The following FGF10 variants were observed in gnomAD, a reference collection of about 807,000 sequenced individuals.
The protein encoded by FGF10 is FGF-10.
In FGF10, 2 loss-of-function variants were observed where a neutral mutation model predicts 19.8. That is an observed-to-expected ratio of 0.10 (90% CI 0.04 to 0.32). The LOEUF (loss-of-function observed/expected upper bound fraction) is 0.32, where lower values mean the gene tolerates loss of function less well. FGF10 is among the 10% of genes least tolerant of loss of function. FGF10 has a pLI of 1.00. For synonymous variants in FGF10, 112 were observed against 94.0 expected (o/e 1.19, Z -1.10); for missense variants, 191 against 246.3 (o/e 0.78, Z 1.50).
chr5:44,371,553 G>T (rs1054430270), intron 1 of FGF10, among the ~76,000 whole-genome samples: 9 of 152,022 alleles, frequency 5.9e-5, no homozygotes, highest in Admixed American at 1.3e-4. Context: ...GGGGCTTTTG[G>T]GCCAGGTTAA....
At chr5:44,368,517 T>C (rs1021763494) in intron 1 of FGF10, among the ~76,000 whole-genome samples, 2 of 152,128 alleles carry the variant, frequency 1.3e-5, no homozygotes, top group African/African-American at 4.8e-5. Context: ...TAATTAGTTA[T>C]GGCCATTGTC....
At position 44,349,422 on chromosome 5, in the gene FGF10, TTATATATATATATATATATATA is replaced by T. The variant is rs869035955; in HGVS notation, c.325+38914_326-38893del. 2.7e-4 allele frequency among the ~76,000 whole-genome samples: 11 copies of T among 41,426 alleles called. 2 individuals carry two copies. The highest frequency in any genetic ancestry group is 8.5e-4 in the African/African-American group (9 of 10,552). 27.2% of individuals were successfully genotyped at this position (41,426 alleles called of 152,430 possible). ...CTAAGAAAATGGGAAAGCATTTTCT[TTATATATATATATATATATATA>T]TATATATATATATATATATATATAT... On this transcript the variant is annotated intron_variant, in intron 1 of 2. Coordinates refer to ENST00000264664, the MANE Select transcript of FGF10 (RefSeq NM_004465.2).
At chr5:44,334,804 G>A (rs1001456439) in intron 1 of FGF10, among the ~76,000 whole-genome samples, 4 of 152,018 alleles carry the variant, frequency 2.6e-5, no homozygotes, top group African/African-American at 9.7e-5. Flanking sequence ...ACATTGTTTA[G>A]TCAGCTGACA....
chr5:44,349,942 G>T (rs1741195591), intron 1 of FGF10, among the ~76,000 whole-genome samples: 1 of 150,910 alleles, frequency 6.6e-6, no homozygotes, highest in Non-Finnish European at 1.5e-5. Context: ...TATTTTTCTA[G>T]AATATATTTG....
intron 1 of FGF10, among the ~76,000 whole-genome samples, chr5:44,382,418 T>G (rs978876518): frequency 1.3e-5 from 2 of 152,176 alleles, no homozygotes; most frequent in Admixed American, 1.3e-4. Flanking sequence ...CTGTAAAACA[T>G]CAACATTTTG....
At position 44,304,380 on chromosome 5, in the gene FGF10, T is replaced by C. The variant is rs1740026522; in HGVS notation, c.*615A>G. 6.6e-6 allele frequency: 1 copy of C among 152,428 alleles called. No individual in the cohort carries two copies. The highest frequency in any genetic ancestry group is 2.4e-5 in the African/African-American group (1 of 41,402). 9.4% of individuals were successfully genotyped at this position (152,428 alleles called of 1,614,324 possible). On this transcript the variant is annotated 3_prime_UTR_variant, in exon 3 of 3. Coordinates refer to ENST00000264664, the MANE Select transcript of FGF10 (RefSeq NM_004465.2). ...ATTAAATAAATAACTTAGAAAGAAA[T>C]AGAAAGGGATGAAGGCAGAATGCAC...
In FGF10 at chr5:44,302,174, C is replaced by A. The variant is rs111933651; in HGVS notation, c.*2821G>T. On this transcript the variant is annotated 3_prime_UTR_variant, in exon 3 of 3. Coordinates refer to ENST00000264664, the MANE Select transcript of FGF10 (RefSeq NM_004465.2). Reference sequence around the variant, plus strand: ...ACCAGAATTCTATTTCCATTTCAAGCAAATATGCCACTTTTAAATGCAAGA... The same window carrying A: ...ACCAGAATTCTATTTCCATTTCAAGAAAATATGCCACTTTTAAATGCAAGA... 2.0e-5 allele frequency among the ~76,000 whole-genome samples: 3 copies of A among 151,524 alleles called. No individual in the cohort carries two copies. Among genetic ancestry groups the A allele is most frequent in the African/African-American group, 4.8e-5 (2 of 41,330 alleles).
chr5:44,387,855 T>G (rs562709734), intron 1 of FGF10, among the ~76,000 whole-genome samples: 3 of 151,970 alleles, frequency 2.0e-5, no homozygotes, highest in East Asian at 3.9e-4. Flanking sequence ...TGACTTTTCT[T>G]TCTTAAATAA....
chr5:44,314,755 G>A (rs1448849568), intron 1 of FGF10, among the ~76,000 whole-genome samples: 2 of 152,292 alleles, frequency 1.3e-5, no homozygotes, highest in East Asian at 1.9e-4. Flanking sequence ...CAGAAGAGGA[G>A]CATCTGACCT....
rs373332745 is a variant in FGF10, at chr5:44,326,895, C to A, written c.326-16365G>T. Among the ~76,000 whole-genome samples the A allele has an allele frequency of 1.0e-3, 157 of 152,216 alleles. 3 individuals carry two copies. Among genetic ancestry groups the A allele is most frequent in the African/African-American group, 3.6e-3 (149 of 41,524 alleles). ...AAAAAGGAAAGAAGAAAGAAGTGCT[C>A]GGTGTTCTTTCTGTTCAATTCTCAA... On this transcript the variant is annotated intron_variant, in intron 1 of 2. Coordinates refer to ENST00000264664, the MANE Select transcript of FGF10 (RefSeq NM_004465.2).
Position 44,304,136 on chromosome 5 carries a change from T to C in FGF10, c.*859A>G, listed in dbSNP as rs1740021853. On this transcript the variant is annotated 3_prime_UTR_variant, in exon 3 of 3. Coordinates refer to ENST00000264664, the MANE Select transcript of FGF10 (RefSeq NM_004465.2). Reference sequence around the variant, plus strand: ...TGGCACAGCATTGCCATATTTATTGTTGATGGTTATTACTGCAGAAGTGCA... The same window carrying C: ...TGGCACAGCATTGCCATATTTATTGCTGATGGTTATTACTGCAGAAGTGCA... The C allele has an allele frequency of 6.6e-6, 1 of 152,116 alleles. No individual in the cohort carries two copies. The highest frequency in any genetic ancestry group is 1.5e-5 in the Non-Finnish European group (1 of 68,026). 9.4% of individuals were successfully genotyped at this position (152,116 alleles called of 1,614,324 possible).
At chr5:44,386,368 C>T (rs1302472972) in intron 1 of FGF10, among the ~76,000 whole-genome samples, 1 of 152,066 alleles carries the variant, frequency 6.6e-6, no homozygotes, top group African/African-American at 2.4e-5. Context: ...GGATAACACT[C>T]TGAAACTTTA....
In FGF10 at chr5:44,302,075, ATT is replaced by A. The variant is rs1042558892; in HGVS notation, c.*2918_*2919del. ...AGAGGCAGATCTCTCAATAGCTCCA[ATT>A]TTTTTTTTTTTCAAATCTACAACAT... On this transcript the variant is annotated 3_prime_UTR_variant, in exon 3 of 3. Coordinates refer to ENST00000264664, the MANE Select transcript of FGF10 (RefSeq NM_004465.2). Among the ~76,000 whole-genome samples the A allele has an allele frequency of 6.8e-6, 1 of 146,828 alleles. No individual in the cohort carries two copies. The highest frequency in any genetic ancestry group is 2.5e-5 in the African/African-American group (1 of 39,402).
At chr5:44,382,687 A>T (rs892391556) in intron 1 of FGF10, among the ~76,000 whole-genome samples, 1 of 152,182 alleles carries the variant, frequency 6.6e-6, no homozygotes, top group South Asian at 2.1e-4. Context: ...ACCATGAAAG[A>T]TTTAAATCCT....
chr5:44,352,566 C>A (rs1391574496), intron 1 of FGF10, among the ~76,000 whole-genome samples: 1 of 151,550 alleles, frequency 6.6e-6, no homozygotes, highest in Non-Finnish European at 1.5e-5. Flanking sequence ...TAAAACCCAC[C>A]CCTGTGCTAG....
At chr5:44,353,835 A>G (rs2111831619) in intron 1 of FGF10, among the ~76,000 whole-genome samples, 1 of 151,592 alleles carries the variant, frequency 6.6e-6, no homozygotes, top group Non-Finnish European at 1.5e-5. Context: ...CTGCTAGAAT[A>G]CAGCCAGACT....
chr5:44,342,752 C>G (rs1740998151), intron 1 of FGF10, among the ~76,000 whole-genome samples: 1 of 151,920 alleles, frequency 6.6e-6, no homozygotes, highest in Admixed American at 6.6e-5. Context: ...ATGTTGCCGT[C>G]TAAAGGAAAT....
intron 1 of FGF10, among the ~76,000 whole-genome samples, chr5:44,345,622 C>T (rs1177515172): frequency 8.2e-6 from 1 of 121,640 alleles, no homozygotes; most frequent in Non-Finnish European, 1.7e-5. Context: ...TGTTCATTCC[C>T]TTTCTCAGCT....
intron 1 of FGF10, among the ~76,000 whole-genome samples, chr5:44,332,058 G>A (rs1379392179): frequency 6.6e-6 from 1 of 152,034 alleles, no homozygotes; most frequent in Non-Finnish European, 1.5e-5. Context: ...CCCAATAGAT[G>A]TGTAAAGCAC....
Sources: gnomAD v4.1 joint callset for allele counts (sites outside exome capture counted in the v4.1 genomes callset) on GRCh38, gnomAD v4.1.1 for gene constraint, MANE v1.5 for transcripts, NCBI Gene and HGNC (gene_info 2026-07-23, HGNC 2026-07-21) for gene names.